The following GXYLT1 variants were observed in gnomAD, a reference collection of about 807,000 sequenced individuals.
GXYLT1 encodes glycosyltransferase 8 domain containing 3.
In GXYLT1, 29 loss-of-function variants were observed where a neutral mutation model predicts 54.0. That is an observed-to-expected ratio of 0.54 (90% CI 0.40 to 0.73). The LOEUF (loss-of-function observed/expected upper bound fraction) is 0.73, where lower values mean the gene tolerates loss of function less well. GXYLT1 is among the 30% of genes least tolerant of loss of function. The pLI is 0.00. For missense variants in GXYLT1, 490 were observed against 553.4 expected (o/e 0.89, Z 1.15); for synonymous variants, 176 against 204.1 (o/e 0.86, Z 1.17).
chr12:42,122,839 T>C (rs893494391), intron 2 of GXYLT1, among the ~76,000 whole-genome samples: 15 of 152,172 alleles, frequency 9.9e-5, no homozygotes, highest in Non-Finnish European at 1.8e-4. Context: ...AAAGCACTGT[T>C]ACAGTGTAGA....
chr12:42,136,789 A>ACATACAT (rs869154887), intron 1 of GXYLT1, among the ~76,000 whole-genome samples: 43 of 23,240 alleles, frequency 1.9e-3, no homozygotes, highest in South Asian at 6.4e-3. Context: ...CATACATACA[A>ACATACAT]ACAAACACAC....
Position 42,144,784 on chromosome 12 carries a change from C to T in GXYLT1, c.-138G>A. On this transcript the variant is annotated 5_prime_UTR_variant, in exon 1 of 8. Coordinates refer to ENST00000398675, the MANE Select transcript of GXYLT1 (RefSeq NM_173601.2). ...GCCGCCGCCGCCTTGCGCCCGCTCC[C>T]TTCCTTCCCTCCCCGCCCACCACCT... 1.9e-6 allele frequency: 1 copy of T among 537,730 alleles called. No homozygotes were observed. Among genetic ancestry groups the T allele is most frequent in the Non-Finnish European group, 2.9e-6 (1 of 349,050 alleles). 33.3% of individuals were successfully genotyped at this position (537,730 alleles called of 1,614,324 possible).
intron 1 of GXYLT1, among the ~76,000 whole-genome samples, 171 bp downstream of exon 1, chr12:42,144,255 A>C (rs2065667106): frequency 6.6e-6 from 1 of 152,160 alleles, no homozygotes; most frequent in African/African-American, 2.4e-5. Context: ...AGGCGGGAGC[A>C]GCGCAGGTTT....
rs144160576 is a variant in GXYLT1, at chr12:42,088,292, C to T, written c.1162-345G>A. 7.2e-5 allele frequency among the ~76,000 whole-genome samples: 11 copies of T among 152,030 alleles called. No individual in the cohort carries two copies. In the East Asian group the frequency reaches 1.9e-3, roughly 27 times the overall value. ...AAAAGAAGAGCTTTACCACACACCA[C>T]ACCCGCGTCCCACCTTTTAAAAACC... On this transcript the variant is annotated intron_variant, in intron 7 of 7. Transcript: ENST00000398675.
intron 3 of GXYLT1, among the ~76,000 whole-genome samples, chr12:42,117,451 C>T (rs1044619982): frequency 1.3e-5 from 2 of 151,426 alleles, no homozygotes; most frequent in African/African-American, 4.8e-5. Context: ...AAAGTATAAA[C>T]GTTTTTGGCA....
intron 1 of GXYLT1, among the ~76,000 whole-genome samples, chr12:42,143,109 AT>A (rs1480697579): frequency 6.6e-6 from 1 of 152,244 alleles, no homozygotes; most frequent in Non-Finnish European, 1.5e-5. Context: ...AAAATAAAAT[AT>A]CTAAGACCAA....
At chr12:42,106,206 T>C in intron 4 of GXYLT1, 137 bp from the exon 5 acceptor site, 1 of 591,920 alleles carries the variant, frequency 1.7e-6, no homozygotes, top group Non-Finnish European at 2.8e-6. Flanking sequence ...CTTTCCTAAA[T>C]CTGTCATTTT....
In GXYLT1 at chr12:42,144,492, CCG is replaced by C; in HGVS notation, c.153_154del (p.Gly52ArgfsTer24). On this transcript the variant is annotated frameshift_variant, in exon 1 of 8. Coordinates refer to ENST00000398675, the MANE Select transcript of GXYLT1 (RefSeq NM_173601.2). LOFTEE classifies it high-confidence loss of function. ...GGCGCCTCTCACGGCGCCGCGTCCG[CCG>C]CCCGCGAGCCAGGAAGCCACCGCGG... 9.1e-7 allele frequency: 1 copy of C among 1,103,680 alleles called. No homozygotes were observed. The highest frequency in any genetic ancestry group is 1.1e-6 in the Non-Finnish European group (1 of 909,512). The allele number at this position is 1,103,680 out of a possible 1,614,324, so 68.4% of individuals were successfully genotyped here.
At chr12:42,112,778 G>A in intron 3 of GXYLT1, among the ~76,000 whole-genome samples, 1 of 148,944 alleles carries the variant, frequency 6.7e-6, no homozygotes. Flanking sequence ...TCAGATTCAG[G>A]AAATACAGAG....
At chr12:42,129,501 CA>C (rs2065582043) in intron 2 of GXYLT1, among the ~76,000 whole-genome samples, 1 of 151,866 alleles carries the variant, frequency 6.6e-6, no homozygotes, top group Non-Finnish European at 1.5e-5. Flanking sequence ...CAACTGTTAC[CA>C]AAAGTTAGAT....
rs144724747 is a variant in GXYLT1, at chr12:42,115,431, T to G, written c.486+3569A>C. On this transcript the variant is annotated intron_variant, in intron 3 of 7. Coordinates refer to ENST00000398675, the MANE Select transcript of GXYLT1 (RefSeq NM_173601.2). ...CAAGCTGATAAGCAACTTCAGCAAA[T>G]TCTCAGGATACAAAATCAATGTGCA... Among the ~76,000 whole-genome samples, 659 of 152,214 alleles carry G rather than the reference T, an allele frequency of 4.3e-3. 8 individuals carry two copies. Among genetic ancestry groups the G allele is most frequent in the African/African-American group, 0.015 (641 of 41,526 alleles).
chr12:42,134,463 A>G (rs544396983), intron 1 of GXYLT1, among the ~76,000 whole-genome samples: 1 of 152,286 alleles, frequency 6.6e-6, no homozygotes, highest in East Asian at 1.9e-4. Flanking sequence ...AGCATGTGCC[A>G]CCAAGCCTAA....
intron 5 of GXYLT1, among the ~76,000 whole-genome samples, chr12:42,098,401 G>A (rs1056813279): frequency 2.6e-5 from 4 of 151,974 alleles, no homozygotes; most frequent in Non-Finnish European, 5.9e-5. Flanking sequence ...CACCTGACAC[G>A]TGGTAAATAT....
At chr12:42,111,742 C>A (rs927004128) in intron 3 of GXYLT1, among the ~76,000 whole-genome samples, 9 of 152,224 alleles carry the variant, frequency 5.9e-5, no homozygotes, top group African/African-American at 2.2e-4. Flanking sequence ...ACAGCAGTAA[C>A]CTCTGCAGAC....
intron 2 of GXYLT1, 106 bp downstream of exon 2, chr12:42,129,653 T>C: frequency 3.1e-6 from 2 of 645,582 alleles, no homozygotes; most frequent in Admixed American, 5.6e-5. Context: ...AATAAATTAT[T>C]TGTATAATAT....
intron 2 of GXYLT1, among the ~76,000 whole-genome samples, chr12:42,120,737 T>C (rs866286605): frequency 1.8e-4 from 27 of 152,166 alleles, no homozygotes; most frequent in Middle Eastern, 3.2e-3. Flanking sequence ...GGTCTCACTA[T>C]GTTGCCCAGG....
rs75263558 is a variant in GXYLT1 at position 42,087,291 on chromosome 12, G to C, written c.*495C>G. The C allele has an allele frequency of 7.0e-6, 1 of 143,262 alleles. No individual in the cohort carries two copies. The highest frequency in any genetic ancestry group is 2.5e-5 in the African/African-American group (1 of 39,520). 8.9% of individuals were successfully genotyped at this position (143,262 alleles called of 1,614,324 possible). Reference sequence around the variant, plus strand: ...GATGAAATGTATAAAGGCACACATAGATTGTCAATGGTTACATCAGTTACA... The same window carrying C: ...GATGAAATGTATAAAGGCACACATACATTGTCAATGGTTACATCAGTTACA... On this transcript the variant is annotated 3_prime_UTR_variant, in exon 8 of 8. Coordinates refer to ENST00000398675, the MANE Select transcript of GXYLT1 (RefSeq NM_173601.2).
Position 42,087,805 on chromosome 12 carries a change from C to A in GXYLT1, c.1304G>T (p.Arg435Ile). Residue 435 changes from arginine to isoleucine, a missense_variant, in exon 8 of 8, where the codon AGA becomes ATA. This residue lies in a region of GXYLT1 where 342 missense variants were observed against 342.6 expected (regional missense o/e 1.00). Transcript: ENST00000398675. ...CAAGAATCACTTTTCCTTTGGTGAT[C>A]TGGCATAACGATCTCTTACACTTTT... ...LAKSVRDRYA[R>I]SPKEK 1 of 1,602,728 alleles carries A rather than the reference C, an allele frequency of 6.2e-7. No homozygotes were observed. Among genetic ancestry groups the A allele is most frequent in the Non-Finnish European group, 8.5e-7 (1 of 1,176,402 alleles).
chr12:42,087,947 A>G lies in GXYLT1; in HGVS notation c.1162T>C (p.Cys388Arg). The G allele has an allele frequency of 6.7e-7, 1 of 1,482,952 alleles. No homozygotes were observed. Among genetic ancestry groups the G allele is most frequent in the Non-Finnish European group, 9.1e-7 (1 of 1,102,094 alleles). 91.9% of individuals were successfully genotyped at this position (1,482,952 alleles called of 1,614,324 possible). Residue 388 changes from cysteine to arginine, a missense_variant and splice_region_variant, in exon 8 of 8, where the codon TGT (cysteine) becomes CGT (arginine). Cys to Arg is a radical substitution (Grantham distance 180). Coordinates refer to ENST00000398675, the MANE Select transcript of GXYLT1 (RefSeq NM_173601.2). ...CGGATGTTGTCATCTTCAAAAGAAC[A>G]CTAGAGAAAGAAAATTTTAAAAAAT... ...FRAVYEALRNCSFEDDNIRSL... is the reference protein window; with the variant it reads ...FRAVYEALRNRSFEDDNIRSL...
Sources: allele counts gnomAD v4.1 joint callset (sites outside exome capture counted in the v4.1 genomes callset), GRCh38; gene constraint gnomAD v4.1.1; regional missense constraint gnomAD v4.1.1; transcripts MANE v1.5; gene names NCBI Gene and HGNC (gene_info 2026-07-23, HGNC 2026-07-21).